The following ATP2B2 variants were observed in gnomAD, a reference collection of about 807,000 sequenced individuals.
ATP2B2 encodes plasma membrane calcium-transporting ATPase 2.
Under a neutral mutation model 120.0 loss-of-function variants are expected in ATP2B2, and 15 were observed. The ratio of observed to expected loss-of-function variants is 0.12; its 90% confidence interval spans 0.08 to 0.19. The LOEUF (loss-of-function observed/expected upper bound fraction) is 0.19. Ranked by LOEUF, ATP2B2 falls within the 10% of genes least tolerant of loss-of-function variation. The probability of loss-of-function intolerance (pLI) is 1.00; values close to 1 mark genes in which losing one functional copy is unlikely to be tolerated. For missense variants in ATP2B2, 1,045 were observed against 1,719.8 expected (o/e 0.61, Z 6.94); for synonymous variants, 694 against 700.3 (o/e 0.99, Z 0.14).
At chr3:10,608,150 C>T (rs2069136093) in intron 2 of ATP2B2, among the ~76,000 whole-genome samples, 1 of 152,240 alleles carries the variant, frequency 6.6e-6, no homozygotes, top group African/African-American at 2.4e-5. Flanking sequence ...GCACTGGCCT[C>T]TAGGATTTTT....
intron 5 of ATP2B2, among the ~76,000 whole-genome samples, chr3:10,398,730 C>T (rs1386831170): frequency 2.0e-5 from 3 of 152,214 alleles, no homozygotes; most frequent in Non-Finnish European, 4.4e-5. Context: ...AGTTTTGAGG[C>T]TTCTTGACAG....
At chr3:10,685,524 A>ATGTG (rs148191924) in intron 1 of ATP2B2, among the ~76,000 whole-genome samples, 1 of 150,120 alleles carries the variant, frequency 6.7e-6, no homozygotes, top group East Asian at 2.0e-4. Flanking sequence ...GAGTGTGTGT[A>ATGTG]TGTGTGTGTG....
intron 1 of ATP2B2, among the ~76,000 whole-genome samples, chr3:10,458,310 C>G (rs579308): frequency 6.6e-6 from 1 of 151,900 alleles, no homozygotes; most frequent in South Asian, 2.1e-4. Flanking sequence ...CAGAGCCCCC[C>G]AGTAACCTCA....
At chr3:10,330,684 C>G (rs921060637) in intron 22 of ATP2B2, among the ~76,000 whole-genome samples, 1 of 152,246 alleles carries the variant, frequency 6.6e-6, no homozygotes, top group Non-Finnish European at 1.5e-5. Context: ...CGTGGGGAGG[C>G]CCCTGAAGTC....
Position 10,410,928 on chromosome 3 carries a change from C to T in ATP2B2, c.200-113G>A, listed in dbSNP as rs540602938. The T allele has an allele frequency of 3.8e-5, 48 of 1,276,734 alleles. No homozygotes were observed. In the East Asian group the frequency reaches 9.7e-4, roughly 26 times the overall value. 79.1% of individuals were successfully genotyped at this position (1,276,734 alleles called of 1,614,324 possible). ...GAGCAAGAAACTTGCTGGTGGCTGG[C>T]CCAGGAGCCCAACATCTCTTCATGC... On this transcript the variant is annotated intron_variant, in intron 2 of 22. Transcript: ENST00000360273.
At chr3:10,651,284 C>T (rs960806553) in intron 1 of ATP2B2, among the ~76,000 whole-genome samples, 2 of 152,134 alleles carry the variant, frequency 1.3e-5, no homozygotes, top group Non-Finnish European at 2.9e-5. Context: ...TGTCCCCACC[C>T]AAATTTCATA....
At chr3:10,632,607 T>G (rs1251220998) in intron 1 of ATP2B2, among the ~76,000 whole-genome samples, 1 of 152,204 alleles carries the variant, frequency 6.6e-6, no homozygotes, top group East Asian at 1.9e-4. Flanking sequence ...GAGGAGGAGT[T>G]GGCAGGGCTT....
intron 1 of ATP2B2, among the ~76,000 whole-genome samples, chr3:10,633,420 C>T (rs1283438746): frequency 1.3e-5 from 2 of 152,158 alleles, no homozygotes; most frequent in Non-Finnish European, 2.9e-5. Flanking sequence ...AAGTCTCACC[C>T]CACTGGAGAA....
At chr3:10,464,909 C>A (rs1287346314) in intron 1 of ATP2B2, among the ~76,000 whole-genome samples, 1 of 152,210 alleles carries the variant, frequency 6.6e-6, no homozygotes, top group African/African-American at 2.4e-5. Context: ...TGGGCTCAGG[C>A]CCAAGGCCAG....
At chr3:10,516,229 C>T (rs183361248) in intron 3 of ATP2B2, among the ~76,000 whole-genome samples, 39 of 152,350 alleles carry the variant, frequency 2.6e-4, no homozygotes, top group Non-Finnish European at 4.6e-4. Flanking sequence ...TTGACCTGTT[C>T]CTCCCTGCTG....
At chr3:10,627,752 C>A (rs1370527703) in intron 1 of ATP2B2, among the ~76,000 whole-genome samples, 1 of 152,226 alleles carries the variant, frequency 6.6e-6, no homozygotes, top group Non-Finnish European at 1.5e-5. Context: ...CAGGCCCTCT[C>A]CCCTGCTCTG....
In ATP2B2 at chr3:10,345,428, C is replaced by T. The variant is rs762583223; in HGVS notation, c.2659G>A (p.Val887Met). ...GTGAAGGCCACAATCACGGCCACCACGTTGACGGTGAGCTGGAACTGCAAG... is the reference window on the plus strand; with the variant it reads ...GTGAAGGCCACAATCACGGCCACCATGTTGACGGTGAGCTGGAACTGCAAG... ...KFLQFQLTVN[V>M]VAVIVAFTGA... is the part of the protein sequence containing the mutation. The change falls in exon 18 of 23, where the codon GTG (valine) becomes ATG (methionine). Residue 887 changes from valine to methionine, a missense_variant. Transcript: ENST00000360273. 3.0e-5 allele frequency: 49 copies of T among 1,614,118 alleles called. No individual in the cohort carries two copies. The highest frequency in any genetic ancestry group is 4.1e-5 in the Non-Finnish European group (48 of 1,180,038).
chr3:10,547,421 C>T (rs963724477), intron 2 of ATP2B2, among the ~76,000 whole-genome samples: 5 of 152,138 alleles, frequency 3.3e-5, no homozygotes, highest in Non-Finnish European at 5.9e-5. Flanking sequence ...TTTGACCACA[C>T]GCAACAGGGA....
chr3:10,366,352 C>T (rs2061057522), intron 12 of ATP2B2, among the ~76,000 whole-genome samples: 1 of 152,200 alleles, frequency 6.6e-6, no homozygotes, highest in Non-Finnish European at 1.5e-5. Context: ...CTCGTGGCCA[C>T]CTCCATGTAG....
chr3:10,402,484 T>C lies in ATP2B2; in HGVS notation c.398-136A>G. ...GATAATTATCCACTTACTCAGTGTGTCTGGGTACCAAGCCCTGTGGAAAGT... is the reference window on the plus strand; with the variant it reads ...GATAATTATCCACTTACTCAGTGTGCCTGGGTACCAAGCCCTGTGGAAAGT... On this transcript the variant is annotated intron_variant, in intron 3 of 22. Transcript: ENST00000360273. The surrounding 1 kb of genome is among the most constrained non-coding windows in gnomAD (Gnocchi z 4.9). The C allele has an allele frequency of 7.6e-7, 1 of 1,316,964 alleles. No individual in the cohort carries two copies. Among genetic ancestry groups the C allele is most frequent in the Non-Finnish European group, 1.1e-6 (1 of 934,028 alleles). 81.6% of individuals were successfully genotyped at this position (1,316,964 alleles called of 1,614,324 possible). A position where few individuals can be genotyped will look rare whatever the true frequency, so the allele number is the denominator to read the frequency against.
intron 2 of ATP2B2, among the ~76,000 whole-genome samples, chr3:10,597,063 C>CCACACACACACACACA (rs58466640): frequency 2.1e-5 from 3 of 142,846 alleles, no homozygotes; most frequent in Non-Finnish European, 4.6e-5. Flanking sequence ...ACACACAGGG[C>CCACACACACACACACA]CACACACACA....
intron 2 of ATP2B2, among the ~76,000 whole-genome samples, chr3:10,448,172 G>A (rs936912564): frequency 1.4e-4 from 22 of 152,330 alleles, no homozygotes; most frequent in Admixed American, 1.2e-3. Flanking sequence ...TAACAGTTCA[G>A]ATGCTGCCTG....
intron 2 of ATP2B2, among the ~76,000 whole-genome samples, chr3:10,545,736 T>C (rs1485230100): frequency 2.6e-5 from 4 of 152,294 alleles, no homozygotes; most frequent in East Asian, 3.9e-4. Flanking sequence ...CGGTGGTTTT[T>C]TTAAATCATG....
intron 1 of ATP2B2, among the ~76,000 whole-genome samples, chr3:10,670,993 T>C (rs1478777822): frequency 1.3e-5 from 2 of 152,108 alleles, no homozygotes; most frequent in Non-Finnish European, 2.9e-5. Flanking sequence ...CTGCATTGAG[T>C]GGGAGGGTGT....
Sources: allele counts gnomAD v4.1 joint callset (sites outside exome capture counted in the v4.1 genomes callset), GRCh38; gene constraint gnomAD v4.1.1; non-coding constraint Gnocchi (gnomAD v3.1); transcripts MANE v1.5; gene names NCBI Gene and HGNC (gene_info 2026-07-23, HGNC 2026-07-21).